The following RUNX2 variants were observed in gnomAD, a reference collection of about 807,000 sequenced individuals.
The protein encoded by RUNX2 is RUNX family transcription factor 2, also known as runt-related transcription factor 2.
In RUNX2, 10 loss-of-function variants were observed where a neutral mutation model predicts 51.7. The observed-to-expected ratio is 0.19, with a 90% CI of 0.12 to 0.33. The LOEUF (loss-of-function observed/expected upper bound fraction) is 0.33, where lower values mean the gene tolerates loss of function less well. Ranked by LOEUF, RUNX2 falls within the 10% of genes least tolerant of loss-of-function variation. The probability of loss-of-function intolerance (pLI) is 1.00; values close to 1 mark genes in which losing one functional copy is unlikely to be tolerated. For synonymous variants in RUNX2, 276 were observed against 273.6 expected (o/e 1.01, Z -0.09); for missense variants, 562 against 691.3 (o/e 0.81, Z 2.10).
chr6:45,437,981 A>G lies in RUNX2; in HGVS notation c.615A>G (p.Thr205=), dbSNP rs1563086613. The change falls in exon 5 of 9, where the codon ACA becomes ACG. Residue 205 remains threonine, a synonymous_variant. Transcript: ENST00000647337. ...KSFTLTITVF[T]NPPQVATYHR... The stretch of plus-strand genomic sequence containing the variant: ...TCACCTTGACCATAACCGTCTTCAC[A>G]AATCCTCCCCAAGTAGCTACCTATC... 6.2e-7 allele frequency: 1 copy of G among 1,613,634 alleles called. No homozygotes were observed. The highest frequency in any genetic ancestry group is 1.3e-5 in the African/African-American group (1 of 75,020).
intron 7 of RUNX2, among the ~76,000 whole-genome samples, chr6:45,538,136 T>C (rs1399513443): frequency 1.3e-5 from 2 of 152,168 alleles, no homozygotes; most frequent in East Asian, 3.9e-4. Context: ...TCTCAACCAG[T>C]TCATAAATTT....
chr6:45,484,105 A>T (rs899134312), intron 5 of RUNX2, among the ~76,000 whole-genome samples: 16 of 152,170 alleles, frequency 1.1e-4, no homozygotes, highest in African/African-American at 2.4e-5. Flanking sequence ...TAGACGAGGA[A>T]GCTAAGACCA....
intron 5 of RUNX2, among the ~76,000 whole-genome samples, chr6:45,446,391 G>C (rs1798999017): frequency 6.6e-6 from 1 of 152,166 alleles, no homozygotes; most frequent in Admixed American, 6.5e-5. Flanking sequence ...AAATGTGTCA[G>C]TAGTTTGTAT....
intron 2 of RUNX2, among the ~76,000 whole-genome samples, chr6:45,370,668 GAA>G (rs1795909286): frequency 6.6e-6 from 1 of 152,050 alleles, no homozygotes; most frequent in Admixed American, 6.6e-5. Context: ...AAAAAAATCT[GAA>G]TTGAAAATAT....
At chr6:45,365,055 T>A (rs1320871082) in intron 2 of RUNX2, 6 of 573,072 alleles carry the variant, frequency 1.0e-5, no homozygotes, top group African/African-American at 7.6e-5. Context: ...TATGGCAATT[T>A]AAAATGTTAC....
chr6:45,377,753 C>G lies in RUNX2; in HGVS notation c.59-44840C>G, dbSNP rs1465830291. On this transcript the variant is annotated intron_variant, in intron 2 of 8. Coordinates refer to ENST00000647337, the MANE Select transcript of RUNX2 (RefSeq NM_001024630.4). ...CCGCCCGAATCCCCGCACCGCCCCC[C>G]GCAAGCCCTACAACCTCTGCTTTAA... The G allele has an allele frequency of 5.2e-5, 8 of 152,384 alleles. No homozygotes were observed. The East Asian group carries it at 5.8e-4, about 11-fold the overall frequency. 9.4% of individuals were successfully genotyped at this position (152,384 alleles called of 1,614,324 possible).
At chr6:45,424,171 G>A (rs1278203627) in intron 3 of RUNX2, among the ~76,000 whole-genome samples, 2 of 152,188 alleles carry the variant, frequency 1.3e-5, no homozygotes, top group Non-Finnish European at 2.9e-5. Context: ...GGTGGCAGCC[G>A]CGGGAGTCGC....
chr6:45,446,170 G>A lies in RUNX2; in HGVS notation c.685+8119G>A, dbSNP rs73441959. On this transcript the variant is annotated intron_variant, in intron 5 of 8. Coordinates refer to ENST00000647337, the MANE Select transcript of RUNX2 (RefSeq NM_001024630.4). ...TTATCACAGCCGTTAAAACATGCTC[G>A]TGTCCCTCCTTTGCACTCTTCCCTG... Among the ~76,000 whole-genome samples, 935 of 152,278 alleles carry A rather than the reference G, an allele frequency of 6.1e-3. 7 individuals carry two copies. Among genetic ancestry groups the A allele is most frequent in the African/African-American group, 0.018 (763 of 41,548 alleles).
At chr6:45,447,168 C>T (rs527556642) in intron 5 of RUNX2, among the ~76,000 whole-genome samples, 15 of 152,296 alleles carry the variant, frequency 9.8e-5, no homozygotes, top group African/African-American at 3.6e-4. Context: ...CAGTGAAATC[C>T]TGGGTACTAG....
chr6:45,470,605 C>G (rs913597845), intron 5 of RUNX2, among the ~76,000 whole-genome samples: 1 of 152,166 alleles, frequency 6.6e-6, no homozygotes, highest in African/African-American at 2.4e-5. Context: ...AAAAAGCAAC[C>G]TGGCCTCCAT....
intron 2 of RUNX2, among the ~76,000 whole-genome samples, chr6:45,399,253 ATTGCCCATCTCCCAAAGTGGCTTCTTTT>A (rs1797646563): frequency 6.6e-6 from 1 of 150,894 alleles, no homozygotes; most frequent in Middle Eastern, 3.5e-3. Flanking sequence ...GGCAGAGAGA[ATTGCCCATCTCCCAAAGTGGCTTCTTTT>A]TCTCTTCCCC....
intron 2 of RUNX2, among the ~76,000 whole-genome samples, chr6:45,387,250 A>G (rs1188427313): frequency 4.6e-5 from 7 of 152,206 alleles, no homozygotes; most frequent in Non-Finnish European, 8.8e-5. Context: ...GTTTGAGGTG[A>G]CTGTACAAAA....
At chr6:45,473,012 C>T (rs1234148132) in intron 5 of RUNX2, among the ~76,000 whole-genome samples, 2 of 152,118 alleles carry the variant, frequency 1.3e-5, no homozygotes, top group African/African-American at 4.8e-5. Context: ...CAGGGGCAAC[C>T]TGGTGTGAGT....
At chr6:45,359,449 C>T (rs1051686664) in intron 2 of RUNX2, among the ~76,000 whole-genome samples, 4 of 151,960 alleles carry the variant, frequency 2.6e-5, no homozygotes, top group African/African-American at 7.3e-5. Flanking sequence ...CAAACAGATG[C>T]ATTTCACAAA....
At position 45,422,969 on chromosome 6, in the gene RUNX2, C is replaced by T. The variant is rs757232520; in HGVS notation, c.423+12C>T. 6.2e-7 allele frequency: 1 copy of T among 1,607,646 alleles called. No homozygotes were observed. The highest frequency in any genetic ancestry group is 2.2e-5 in the East Asian group (1 of 44,750). On this transcript the variant is annotated intron_variant, in intron 3 of 8. Transcript: ENST00000647337. Reference sequence around the variant, plus strand: ...CCGTGGCCTTCAAGGTAAGAGGCTACACCGCCCCCCGCCCCCGGCCGGGAG... The same window carrying T: ...CCGTGGCCTTCAAGGTAAGAGGCTATACCGCCCCCCGCCCCCGGCCGGGAG...
chr6:45,493,141 G>A (rs1364962966), intron 6 of RUNX2, among the ~76,000 whole-genome samples: 1 of 152,096 alleles, frequency 6.6e-6, no homozygotes, highest in East Asian at 1.9e-4. Flanking sequence ...TTCTTGGATA[G>A]TTACTTAGAG....
At chr6:45,477,859 C>T (rs181540436) in intron 5 of RUNX2, among the ~76,000 whole-genome samples, 1 of 152,272 alleles carries the variant, frequency 6.6e-6, no homozygotes, top group East Asian at 1.9e-4. Context: ...TCAGTGTCTC[C>T]CTGTTATTTG....
chr6:45,362,935 TAATTTA>T (rs1426259021), intron 2 of RUNX2, among the ~76,000 whole-genome samples: 1 of 152,124 alleles, frequency 6.6e-6, no homozygotes, highest in Non-Finnish European at 1.5e-5. Flanking sequence ...CTACAGCTTT[TAATTTA>T]ATTTTTAATT....
At chr6:45,386,282 G>C (rs1797347141) in intron 2 of RUNX2, among the ~76,000 whole-genome samples, 1 of 152,078 alleles carries the variant, frequency 6.6e-6, no homozygotes, top group Non-Finnish European at 1.5e-5. Context: ...GGTCAGGCTG[G>C]TCTCAAACTG....
Sources: allele counts gnomAD v4.1 joint callset (sites outside exome capture counted in the v4.1 genomes callset), GRCh38; gene constraint gnomAD v4.1.1; transcripts MANE v1.5; gene names NCBI Gene and HGNC (gene_info 2026-07-23, HGNC 2026-07-21).